ANXA6: variants seen among roughly 807,000 people sequenced by gnomAD.
The protein encoded by ANXA6 is 67 kDa calelectrin.
In ANXA6, 71 loss-of-function variants were observed where a neutral mutation model predicts 95.4. That is an observed-to-expected ratio of 0.74 (90% CI 0.61 to 0.91). The LOEUF (loss-of-function observed/expected upper bound fraction) is 0.91, where lower values mean the gene tolerates loss of function less well. Ranked by LOEUF, ANXA6 falls within the 40% of genes least tolerant of loss-of-function variation. The probability of loss-of-function intolerance (pLI) is 0.00; values close to 1 mark genes in which losing one functional copy is unlikely to be tolerated. For missense variants in ANXA6, 830 were observed against 876.4 expected (o/e 0.95, Z 0.67); for synonymous variants, 289 against 315.9 (o/e 0.91, Z 0.90).
intron 2 of ANXA6, 156 bp from the exon 3 acceptor site, chr5:151,140,399 T>C (rs1765797273): frequency 3.0e-6 from 2 of 663,580 alleles, no homozygotes; most frequent in Non-Finnish European, 5.4e-6. Context: ...GCGGTGTGGA[T>C]GACTTTCCCA....
chr5:151,154,525 A>T (rs1582024165), intron 1 of ANXA6, among the ~76,000 whole-genome samples: 1 of 152,202 alleles, frequency 6.6e-6, no homozygotes, highest in Middle Eastern at 3.4e-3. Flanking sequence ...TGGCCTATAA[A>T]ATCTAGATCC....
rs1765766658 is a variant in ANXA6 at position 151,139,464 on chromosome 5, C to T, written c.110-17G>A. The T allele has an allele frequency of 1.3e-6, 2 of 1,591,726 alleles. No individual in the cohort carries two copies. Among genetic ancestry groups the T allele is most frequent in the Non-Finnish European group, 1.7e-6 (2 of 1,160,602 alleles). On this transcript the variant is annotated splice_polypyrimidine_tract_variant and intron_variant, in intron 3 of 25. Coordinates refer to ENST00000354546, the MANE Select transcript of ANXA6 (RefSeq NM_001155.5). ...TGTCACTGCCTGGAATAGGGGAGAG[C>T]AATCATCATCCTACCCACCCTGCCT... is the stretch of plus-strand genomic sequence containing the variant.
chr5:151,116,003 T>C (rs1027866663), intron 20 of ANXA6, among the ~76,000 whole-genome samples: 1 of 152,244 alleles, frequency 6.6e-6, no homozygotes, highest in Non-Finnish European at 1.5e-5. Context: ...GGAGCTTCAT[T>C]TTCTTCTAGT....
intron 17 of ANXA6, among the ~76,000 whole-genome samples, chr5:151,120,577 G>A (rs1283179844): frequency 6.6e-6 from 1 of 152,108 alleles, no homozygotes; most frequent in Non-Finnish European, 1.5e-5. Context: ...AAATTAGCTG[G>A]TCGTGGTGGC....
chr5:151,150,379 A>G (rs1005945514), intron 1 of ANXA6, among the ~76,000 whole-genome samples: 4 of 152,178 alleles, frequency 2.6e-5, no homozygotes, highest in Admixed American at 2.0e-4. Context: ...TTGTTGGAGG[A>G]TAAGACCTAA....
chr5:151,125,529 C>T (rs376836554), intron 14 of ANXA6, among the ~76,000 whole-genome samples: 1 of 152,106 alleles, frequency 6.6e-6, no homozygotes, highest in Admixed American at 6.5e-5. Context: ...AAACTTAAAG[C>T]GAGCTCTCTC....
chr5:151,138,601 G>T, intron 5 of ANXA6, 77 bp downstream of exon 5: 2 of 1,023,062 alleles, frequency 2.0e-6, no homozygotes, highest in Non-Finnish European at 3.0e-6. Context: ...GGGCTCACCA[G>T]TTGCTTTTGG....
At chr5:151,103,853 T>C (rs372492077) in intron 24 of ANXA6, among the ~76,000 whole-genome samples, 161 bp from the exon 25 acceptor site, 2 of 152,302 alleles carry the variant, frequency 1.3e-5, no homozygotes, top group African/African-American at 2.4e-5. Flanking sequence ...CCAAAATCCC[T>C]CTGTGCCCAG....
chr5:151,154,014 TA>T (rs1254811742), intron 1 of ANXA6, among the ~76,000 whole-genome samples: 1 of 152,152 alleles, frequency 6.6e-6, no homozygotes, highest in Non-Finnish European at 1.5e-5. Context: ...ATGCTTTCTT[TA>T]GTGACCTCAG....
Position 151,137,307 on chromosome 5 carries a change from A to T in ANXA6, c.333T>A (p.Asp111Glu), listed in dbSNP as rs780878317. 4 of 1,613,062 alleles carry T rather than the reference A, an allele frequency of 2.5e-6. No individual in the cohort carries two copies. The African/African-American group carries it at 5.3e-5, about 22-fold the overall frequency. The change falls in exon 6 of 26, where the codon GAT (aspartate) becomes GAA (glutamate). Residue 111 changes from aspartate to glutamate, a missense_variant. Asp to Glu is a conservative substitution (Grantham distance 45). Coordinates refer to ENST00000354546, the MANE Select transcript of ANXA6 (RefSeq NM_001155.5). ...CCAAGATCTCAATGAGGCACTTCTC[A>T]TCAGTGCCAATGCCCTGGGGGTAGA... ...IKDAISGIGT[D>E]EKCLIEILAS... is the part of the protein sequence containing the mutation.
At position 151,123,894 on chromosome 5, in the gene ANXA6, C is replaced by T. The variant is rs570693855; in HGVS notation, c.1138+392G>A. Among the ~76,000 whole-genome samples the T allele has an allele frequency of 6.6e-5, 10 of 152,264 alleles. 1 individual carries two copies. The South Asian group carries it at 2.1e-3, about 32-fold the overall frequency. ...CAGAATGAGGGAGGGCTCTTGGGTT[C>T]CAGGGTCCACAGCCCTGATTTTACA... is the stretch of plus-strand genomic sequence containing the variant. On this transcript the variant is annotated intron_variant, in intron 15 of 25. Coordinates refer to ENST00000354546, the MANE Select transcript of ANXA6 (RefSeq NM_001155.5).
chr5:151,140,740 T>C (rs1765812294), intron 2 of ANXA6, among the ~76,000 whole-genome samples: 1 of 152,142 alleles, frequency 6.6e-6, no homozygotes, highest in South Asian at 2.1e-4. Flanking sequence ...CCCTCATATT[T>C]TTATGGCATT....
chr5:151,131,273 G>A lies in ANXA6; in HGVS notation c.753C>T (p.Ser251=). 6.2e-7 allele frequency: 1 copy of A among 1,613,956 alleles called. No individual in the cohort carries two copies. The highest frequency in any genetic ancestry group is 1.1e-5 in the South Asian group (1 of 91,078). The change falls in exon 11 of 26, where the codon AGC becomes AGT. Residue 251 remains serine (S), a synonymous_variant. Coordinates refer to ENST00000354546, the MANE Select transcript of ANXA6 (RefSeq NM_001155.5). ...LMLAVVKCIR[S]TPEYFAERLF... ...GCCTTTCAGCAAAATATTCCGGGGT[G>A]CTCCGGATACACTTCACTGTGAAGA... is the stretch of plus-strand genomic sequence containing the variant.
At chr5:151,146,122 A>G (rs1765970136) in intron 2 of ANXA6, among the ~76,000 whole-genome samples, 1 of 152,138 alleles carries the variant, frequency 6.6e-6, no homozygotes, top group Non-Finnish European at 1.5e-5. Context: ...GCAACAAGAA[A>G]CCACAGATCA....
At chr5:151,104,083 G>A (rs368168805) in intron 24 of ANXA6, among the ~76,000 whole-genome samples, 1 of 152,214 alleles carries the variant, frequency 6.6e-6, no homozygotes, top group Non-Finnish European at 1.5e-5. Flanking sequence ...GGCTAGGTGA[G>A]GACAGAGGCA....
chr5:151,102,815 TG>T, intron 25 of ANXA6, among the ~76,000 whole-genome samples: 1 of 152,184 alleles, frequency 6.6e-6, no homozygotes, highest in South Asian at 2.1e-4. Flanking sequence ...AGTAGCTTGG[TG>T]GTTGCCTATG....
chr5:151,107,042 T>G (rs1764712539), intron 23 of ANXA6, among the ~76,000 whole-genome samples: 1 of 152,212 alleles, frequency 6.6e-6, no homozygotes, highest in South Asian at 2.1e-4. Flanking sequence ...GTAGGCAGCC[T>G]GTGGTTTGAG....
intron 1 of ANXA6, among the ~76,000 whole-genome samples, chr5:151,148,346 T>G (rs1229655501): frequency 6.6e-6 from 1 of 152,196 alleles, no homozygotes; most frequent in Admixed American, 6.5e-5. Context: ...AGCTTAGAAC[T>G]GAATTCAACA....
chr5:151,130,653 G>A (rs1269858986), intron 11 of ANXA6, among the ~76,000 whole-genome samples: 1 of 152,264 alleles, frequency 6.6e-6, no homozygotes, highest in Non-Finnish European at 1.5e-5. Context: ...GGTGGGCAGA[G>A]AATGGCCGAC....
Sources: allele counts gnomAD v4.1 joint callset (sites outside exome capture counted in the v4.1 genomes callset), GRCh38; gene constraint gnomAD v4.1.1; transcripts MANE v1.5; gene names NCBI Gene and HGNC (gene_info 2026-07-23, HGNC 2026-07-21).